CBX5: variants seen among roughly 807,000 people sequenced by gnomAD.
CBX5 encodes the protein chromobox 5, also known as chromobox protein homolog 5.
A neutral mutation model predicts 20.7 loss-of-function variants in CBX5; 7 were observed. That is an observed-to-expected ratio of 0.34 (90% CI 0.19 to 0.63). The LOEUF is 0.63. Ranked by LOEUF, CBX5 falls within the 30% of genes least tolerant of loss-of-function variation. CBX5 has a pLI of 0.75. For missense variants in CBX5, 110 were observed against 224.1 expected (o/e 0.49, Z 3.25); for synonymous variants, 78 against 77.0 (o/e 1.01, Z -0.07).
intron 1 of CBX5, among the ~76,000 whole-genome samples, chr12:54,277,923 T>G (rs1398095707): frequency 6.6e-6 from 1 of 152,224 alleles, no homozygotes; most frequent in Non-Finnish European, 1.5e-5. Flanking sequence ...CATCTCACAC[T>G]GCACCCTTGA....
intron 1 of CBX5, among the ~76,000 whole-genome samples, chr12:54,261,243 G>A (rs1353014442): frequency 2.7e-5 from 4 of 150,348 alleles, no homozygotes; most frequent in Admixed American, 6.6e-5. Flanking sequence ...TGACTATTAC[G>A]ACTGTCAAAC....
intron 1 of CBX5, among the ~76,000 whole-genome samples, chr12:54,260,927 AC>A (rs1943910706): frequency 6.6e-6 from 1 of 152,144 alleles, no homozygotes; most frequent in African/African-American, 2.4e-5. Flanking sequence ...ACAGTGGCTC[AC>A]ACCTGTAATC....
chr12:54,258,030 C>G (rs866548935), intron 1 of CBX5: 3 of 167,442 alleles, frequency 1.8e-5, no homozygotes, highest in Non-Finnish European at 3.8e-5. Flanking sequence ...CAGAAATGTG[C>G]AAAATCTTTA....
rs1011235148 is a variant in CBX5 at position 54,240,223 on chromosome 12, T to C, written c.*1532A>G. Reference sequence around the variant, plus strand: ...AGAAAAGGATAAAGTAGGGCATTTCTTGGGGGACAAAGGCAGAAGGATATG... The same window carrying C: ...AGAAAAGGATAAAGTAGGGCATTTCCTGGGGGACAAAGGCAGAAGGATATG... On this transcript the variant is annotated 3_prime_UTR_variant, in exon 5 of 5. Transcript: ENST00000209875. The C allele has an allele frequency of 2.0e-5, 3 of 152,146 alleles. No homozygotes were observed. The highest frequency in any genetic ancestry group is 7.2e-5 in the African/African-American group (3 of 41,422). The allele number at this position is 152,146 out of a possible 1,614,324, so 9.4% of individuals were successfully genotyped here.
At chr12:54,253,350 G>A (rs943456869) in intron 2 of CBX5, among the ~76,000 whole-genome samples, 9 of 152,152 alleles carry the variant, frequency 5.9e-5, no homozygotes, top group Non-Finnish European at 8.8e-5. Context: ...GGGAGGCTGC[G>A]GTTGTAGTGA....
intron 1 of CBX5, among the ~76,000 whole-genome samples, chr12:54,271,409 T>C (rs1944008529): frequency 6.6e-6 from 1 of 152,214 alleles, no homozygotes; most frequent in Admixed American, 6.5e-5. Flanking sequence ...CACTGCAACC[T>C]CCACCTCCCA....
At chr12:54,242,456 C>T (rs1445340347) in intron 4 of CBX5, among the ~76,000 whole-genome samples, 4 of 142,654 alleles carry the variant, frequency 2.8e-5, no homozygotes, top group African/African-American at 5.2e-5. Flanking sequence ...ACCCGGGAGG[C>T]GGAGCTTGCA....
intron 1 of CBX5, chr12:54,272,573 G>A (rs1944020759): frequency 6.6e-6 from 1 of 152,134 alleles, no homozygotes; most frequent in Non-Finnish European, 1.5e-5. Flanking sequence ...TACATCCCTT[G>A]TAGAAAATCT....
intron 1 of CBX5, chr12:54,276,871 A>G (rs1046020437): frequency 6.6e-6 from 1 of 152,208 alleles, no homozygotes; most frequent in African/African-American, 2.4e-5. Context: ...GTGGATCCAA[A>G]AGAATCCCAG....
chr12:54,245,557 C>T (rs909067209), intron 4 of CBX5, among the ~76,000 whole-genome samples: 2 of 151,568 alleles, frequency 1.3e-5, no homozygotes, highest in East Asian at 1.9e-4. Flanking sequence ...TTTGGGAGGC[C>T]GAGGCAGGCG....
chr12:54,259,498 C>A (rs1943894944), intron 1 of CBX5: 1 of 152,664 alleles, frequency 6.6e-6, no homozygotes, highest in African/African-American at 2.4e-5. Context: ...GGGGTTCCCT[C>A]CTTTACCTAC....
rs1199793953 is a variant in CBX5, at chr12:54,231,219, CAATTT to C, written c.*10531_*10535del. The stretch of plus-strand genomic sequence containing the variant: ...TAAACCTAAAAGTCCATGGAGAATT[CAATTT>C]CTCATTTCCATTCAGAAATCTGGCT... On this transcript the variant is annotated 3_prime_UTR_variant, in exon 5 of 5. Transcript: ENST00000209875. 1 of 152,342 alleles carries C rather than the reference CAATTT, an allele frequency of 6.6e-6. No homozygotes were observed. The highest frequency in any genetic ancestry group is 1.5e-5 in the Non-Finnish European group (1 of 68,038). The allele number at this position is 152,342 out of a possible 1,614,324, so 9.4% of individuals were successfully genotyped here.
chr12:54,271,223 T>G (rs909145948), intron 1 of CBX5, among the ~76,000 whole-genome samples: 1 of 152,248 alleles, frequency 6.6e-6, no homozygotes, highest in African/African-American at 2.4e-5. Context: ...GTTGGTAGTG[T>G]TGTTCAAGTC....
In CBX5 at chr12:54,240,307, G is replaced by A. The variant is rs1943663423; in HGVS notation, c.*1448C>T. ...AAACCAAAACGAAGTATTTTGCTGA[G>A]TAAGAAGAAAAGGGTGTGTCAACAT... is the stretch of plus-strand genomic sequence containing the variant. On this transcript the variant is annotated 3_prime_UTR_variant, in exon 5 of 5. Coordinates refer to ENST00000209875, the MANE Select transcript of CBX5 (RefSeq NM_012117.3). The A allele has an allele frequency of 1.3e-5, 2 of 152,190 alleles. No homozygotes were observed. Among genetic ancestry groups the A allele is most frequent in the African/African-American group, 4.8e-5 (2 of 41,458 alleles). The allele number at this position is 152,190 out of a possible 1,614,324, so 9.4% of individuals were successfully genotyped here.
intron 1 of CBX5, among the ~76,000 whole-genome samples, chr12:54,265,531 T>G (rs1427871287): frequency 1.3e-5 from 2 of 152,224 alleles, no homozygotes; most frequent in African/African-American, 4.8e-5. Context: ...CAAAAGCCCA[T>G]GAGCACACAA....
rs115229588 is a variant in CBX5 at position 54,261,282 on chromosome 12, G to A, written c.-42-3590C>T. On this transcript the variant is annotated intron_variant, in intron 1 of 4. Transcript: ENST00000209875. Reference sequence around the variant, plus strand: ...AGAAACCATAGGGTGTAAGACCAAAGTAGAAATTTTTTTCTTTTTTCTTTT... The same window carrying A: ...AGAAACCATAGGGTGTAAGACCAAAATAGAAATTTTTTTCTTTTTTCTTTT... Among the ~76,000 whole-genome samples the A allele has an allele frequency of 3.8e-3, 579 of 151,074 alleles. 11 individuals are homozygous for A. The highest frequency in any genetic ancestry group is 0.014 in the African/African-American group (559 of 41,304).
chr12:54,261,693 T>C (rs573835961), intron 1 of CBX5, among the ~76,000 whole-genome samples: 2 of 134,024 alleles, frequency 1.5e-5, no homozygotes, highest in Admixed American at 1.5e-4. Flanking sequence ...CTTTTAACTT[T>C]TCATAATTAA....
At chr12:54,255,966 G>A (rs745965122) in intron 2 of CBX5, 8 of 152,268 alleles carry the variant, frequency 5.3e-5, no homozygotes, top group Middle Eastern at 6.8e-3. Context: ...TTTGATCACT[G>A]TCTAGCACAA....
chr12:54,272,957 T>G (rs778974757), intron 1 of CBX5: 9 of 152,138 alleles, frequency 5.9e-5, no homozygotes, highest in Non-Finnish European at 1.2e-4. Context: ...GAACCCAGGT[T>G]TCTGAGCCTT....
Sources: allele counts gnomAD v4.1 joint callset (sites outside exome capture counted in the v4.1 genomes callset), GRCh38; gene constraint gnomAD v4.1.1; transcripts MANE v1.5; gene names NCBI Gene and HGNC (gene_info 2026-07-23, HGNC 2026-07-21).